Variants in GALNTL6 observed in about 807,000 individuals in gnomAD.
GALNTL6 encodes polypeptide N-acetylgalactosaminyltransferase-like 6.
A neutral mutation model predicts 73.7 loss-of-function variants in GALNTL6; 46 were observed. The observed-to-expected ratio is 0.62, with a 90% CI of 0.49 to 0.80. The LOEUF is 0.80. Ranked by LOEUF, GALNTL6 falls within the 30% of genes least tolerant of loss-of-function variation. The pLI, the probability that GALNTL6 is intolerant of heterozygous loss-of-function variation, is 0.00. For missense variants in GALNTL6, 604 were observed against 755.0 expected, an observed-to-expected ratio of 0.80 and a Z score of 2.34; for synonymous variants, 259 against 263.7, an observed-to-expected ratio of 0.98 and a Z score of 0.17.
At chr4:172,253,517 A>G (rs956169922) in intron 3 of GALNTL6, among the ~76,000 whole-genome samples, 1 of 151,984 alleles carries the variant, frequency 6.6e-6, no homozygotes, top group African/African-American at 2.4e-5. Flanking sequence ...TCATTTAGAC[A>G]ATCTAAAAAG....
At chr4:172,211,294 C>T (rs1339733989) in intron 2 of GALNTL6, among the ~76,000 whole-genome samples, 1 of 152,132 alleles carries the variant, frequency 6.6e-6, no homozygotes, top group African/African-American at 2.4e-5. Flanking sequence ...CTGGGATGTC[C>T]TTGCCCCTAG....
At chr4:172,843,856 C>A (rs1044480396) in intron 7 of GALNTL6, among the ~76,000 whole-genome samples, 3 of 152,052 alleles carry the variant, frequency 2.0e-5, no homozygotes, top group African/African-American at 7.2e-5. Flanking sequence ...GTTAGGAGTT[C>A]CTGACCAGCC....
intron 9 of GALNTL6, among the ~76,000 whole-genome samples, chr4:172,935,459 C>T (rs1748563234): frequency 6.6e-6 from 1 of 151,570 alleles, no homozygotes; most frequent in Non-Finnish European, 1.5e-5. Flanking sequence ...ATAGAGATAC[C>T]AAAAAACCTT....
At chr4:172,147,744 G>A (rs1290551601) in intron 2 of GALNTL6, among the ~76,000 whole-genome samples, 1 of 152,172 alleles carries the variant, frequency 6.6e-6, no homozygotes, top group Non-Finnish European at 1.5e-5. Flanking sequence ...AAGCATTGCA[G>A]GGGAGATCTC....
intron 2 of GALNTL6, among the ~76,000 whole-genome samples, chr4:172,192,708 A>G (rs929184737): frequency 6.6e-6 from 1 of 152,202 alleles, no homozygotes; most frequent in African/African-American, 2.4e-5. Flanking sequence ...TCATGCCACC[A>G]GGGCCTTGGG....
At chr4:172,707,022 G>A (rs1579369623) in intron 5 of GALNTL6, among the ~76,000 whole-genome samples, 1 of 152,228 alleles carries the variant, frequency 6.6e-6, no homozygotes, top group Non-Finnish European at 1.5e-5. Flanking sequence ...CATGATGGTG[G>A]GGAAACTGGC....
At chr4:172,855,456 C>T (rs990113767) in intron 7 of GALNTL6, among the ~76,000 whole-genome samples, 15 of 152,038 alleles carry the variant, frequency 9.9e-5, no homozygotes, top group East Asian at 3.9e-4. Flanking sequence ...TCAAATCCTA[C>T]GGGATGTAAT....
At chr4:172,543,523 T>G (rs1735650678) in intron 5 of GALNTL6, among the ~76,000 whole-genome samples, 1 of 152,226 alleles carries the variant, frequency 6.6e-6, no homozygotes, top group African/African-American at 2.4e-5. Flanking sequence ...TCCTGAGTTT[T>G]AAAGCTTCCT....
chr4:172,370,503 C>T (rs535293510), intron 5 of GALNTL6, among the ~76,000 whole-genome samples: 41 of 151,588 alleles, frequency 2.7e-4, no homozygotes, highest in African/African-American at 8.0e-4. Context: ...TGGTGGTGGG[C>T]GCCTGTAGTC....
intron 7 of GALNTL6, among the ~76,000 whole-genome samples, chr4:172,873,755 T>C (rs1373350761): frequency 1.3e-5 from 2 of 152,236 alleles, no homozygotes; most frequent in East Asian, 1.9e-4. Context: ...GTCCTGTTTT[T>C]TTGTTGTTGT....
intron 5 of GALNTL6, among the ~76,000 whole-genome samples, chr4:172,590,804 T>G (rs958241112): frequency 4.6e-5 from 7 of 152,072 alleles, no homozygotes; most frequent in Non-Finnish European, 1.0e-4. Context: ...AACACTTTTC[T>G]GACAAAAGGG....
chr4:172,028,831 T>A (rs1477356144), intron 2 of GALNTL6, among the ~76,000 whole-genome samples: 1 of 152,030 alleles, frequency 6.6e-6, no homozygotes, highest in East Asian at 1.9e-4. Context: ...TCATTAGTAC[T>A]TAGAAATGTA....
intron 5 of GALNTL6, among the ~76,000 whole-genome samples, chr4:172,554,758 A>G (rs11132950): frequency 0.19 from 29,297 of 152,146 alleles, 3,660 homozygotes; most frequent in Non-Finnish European, 0.3. Flanking sequence ...CTCCGTTCTC[A>G]TTGCCCTCAT....
At chr4:172,543,319 C>G (rs1735641381) in intron 5 of GALNTL6, among the ~76,000 whole-genome samples, 1 of 152,202 alleles carries the variant, frequency 6.6e-6, no homozygotes, top group African/African-American at 2.4e-5. Flanking sequence ...CTAAATTTAC[C>G]TGCTGATTGG....
chr4:171,815,836 A>G (rs1734511043), intron 2 of GALNTL6, among the ~76,000 whole-genome samples: 1 of 152,224 alleles, frequency 6.6e-6, no homozygotes, highest in South Asian at 2.1e-4. Context: ...TGCAATATAA[A>G]GAGGTAATCT....
At chr4:172,859,053 A>AG (rs1303410696) in intron 7 of GALNTL6, among the ~76,000 whole-genome samples, 3 of 151,792 alleles carry the variant, frequency 2.0e-5, no homozygotes, top group Non-Finnish European at 4.4e-5. Flanking sequence ...CAGGAAAAAA[A>AG]AAAAAACAAT....
intron 2 of GALNTL6, among the ~76,000 whole-genome samples, chr4:172,010,659 T>A (rs903022288): frequency 2.0e-5 from 3 of 152,062 alleles, no homozygotes; most frequent in Non-Finnish European, 4.4e-5. Flanking sequence ...ACTGCTCTAG[T>A]TATTAACACT....
intron 5 of GALNTL6, among the ~76,000 whole-genome samples, chr4:172,704,152 A>G (rs1734190119): frequency 6.6e-6 from 1 of 151,748 alleles, no homozygotes; most frequent in Non-Finnish European, 1.5e-5. Context: ...CCAACTTTTT[A>G]TTTTGTTGAT....
chr4:171,956,495 C>T (rs412763), intron 2 of GALNTL6, among the ~76,000 whole-genome samples: 142,701 of 152,204 alleles, frequency 0.94, 67,404 homozygotes, highest in Non-Finnish European at 1. Flanking sequence ...AGATCAAGTA[C>T]AATCAATTGT....
Sources: allele counts gnomAD v4.1 joint callset (sites outside exome capture counted in the v4.1 genomes callset), GRCh38; gene constraint gnomAD v4.1.1; transcripts MANE v1.5; gene names NCBI Gene and HGNC (gene_info 2026-07-23, HGNC 2026-07-21).